The following AFF3 variants were observed in gnomAD, a reference collection of about 807,000 sequenced individuals.
AFF3 encodes the protein AF4/FMR2 family member 3.
Under a neutral mutation model 129.7 loss-of-function variants are expected in AFF3, and 32 were observed. The ratio of observed to expected loss-of-function variants is 0.25; its 90% confidence interval spans 0.19 to 0.33. AFF3 has a LOEUF of 0.33. AFF3 is among the 10% of genes least tolerant of loss of function. The probability of loss-of-function intolerance (pLI) is 1.00; values close to 1 mark genes in which losing one functional copy is unlikely to be tolerated. For missense variants in AFF3, 1,373 were observed against 1,592.0 expected, an observed-to-expected ratio of 0.86 and a Z score of 2.34; for synonymous variants, 644 against 635.4, an observed-to-expected ratio of 1.01 and a Z score of -0.20.
intron 7 of AFF3, among the ~76,000 whole-genome samples, chr2:99,977,298 G>A (rs961813882): frequency 4.6e-5 from 7 of 152,182 alleles, no homozygotes; most frequent in Non-Finnish European, 8.8e-5. Context: ...TCTATCAATC[G>A]CTCTCACTGC....
intron 7 of AFF3, among the ~76,000 whole-genome samples, chr2:99,936,268 G>C (rs1326157606): frequency 6.6e-6 from 1 of 152,198 alleles, no homozygotes; most frequent in Non-Finnish European, 1.5e-5. Context: ...CACAGGAGCT[G>C]TTACAGCCTG....
chr2:99,713,012 C>T (rs1455360741), intron 11 of AFF3, among the ~76,000 whole-genome samples: 1 of 152,160 alleles, frequency 6.6e-6, no homozygotes, highest in African/African-American at 2.4e-5. Context: ...TATGATTCCA[C>T]TTATATGAGG....
chr2:99,772,844 T>G (rs141872054), intron 8 of AFF3, among the ~76,000 whole-genome samples: 92 of 152,310 alleles, frequency 6.0e-4, no homozygotes, highest in African/African-American at 2.1e-3. Flanking sequence ...GACACCAGAT[T>G]AATCTTCCCC....
At chr2:99,595,209 C>T (rs1426327492) in intron 14 of AFF3, among the ~76,000 whole-genome samples, 3 of 152,166 alleles carry the variant, frequency 2.0e-5, no homozygotes, top group Non-Finnish European at 4.4e-5. Flanking sequence ...AATAATTTCA[C>T]AGGGAGTAAA....
At chr2:99,607,632 T>C (rs62154479) in intron 13 of AFF3, among the ~76,000 whole-genome samples, 13,360 of 152,092 alleles carry the variant, frequency 0.088, 697 homozygotes, top group East Asian at 0.12. Context: ...TGAATACATA[T>C]CCAAAATTGT....
rs1213254503 is a variant in AFF3, at chr2:100,006,749, C to T, written c.756G>A (p.Lys252=). Residue 252 remains lysine, a synonymous_variant, in exon 7 of 25, where the codon AAG becomes AAA. Transcript: ENST00000672756. ...DQAPDESPKL[K]SSSETSVHCT... The stretch of plus-strand genomic sequence containing the variant: ...AGTGCACGCTGGTTTCCGAAGACGA[C>T]TTCAGCTTAGGAGACTCATCAGGGG... 1 of 1,614,220 alleles carries T rather than the reference C, an allele frequency of 6.2e-7. No homozygotes were observed. The highest frequency in any genetic ancestry group is 8.5e-7 in the Non-Finnish European group (1 of 1,180,032).
At chr2:99,942,374 G>A (rs961081061) in intron 7 of AFF3, among the ~76,000 whole-genome samples, 5 of 152,006 alleles carry the variant, frequency 3.3e-5, no homozygotes, top group Non-Finnish European at 4.4e-5. Flanking sequence ...CAAGTTAGAG[G>A]GTGGACAAGA....
At chr2:99,801,977 A>G (rs961398047) in intron 8 of AFF3, among the ~76,000 whole-genome samples, 1 of 152,218 alleles carries the variant, frequency 6.6e-6, no homozygotes, top group African/African-American at 2.4e-5. Flanking sequence ...TTATGTATCA[A>G]TTATCATATA....
chr2:99,675,609 T>C (rs1687537122), intron 11 of AFF3, among the ~76,000 whole-genome samples: 1 of 152,234 alleles, frequency 6.6e-6, no homozygotes, highest in Non-Finnish European at 1.5e-5. Context: ...CCATGTTGAA[T>C]GCTGAACATA....
At chr2:99,837,145 A>T (rs1576145347) in intron 8 of AFF3, among the ~76,000 whole-genome samples, 1 of 152,224 alleles carries the variant, frequency 6.6e-6, no homozygotes, top group African/African-American at 2.4e-5. Context: ...AAAAATGTAC[A>T]GACTATTAAA....
intron 2 of AFF3, among the ~76,000 whole-genome samples, chr2:100,108,137 T>G (rs2105518543): frequency 6.6e-6 from 1 of 151,186 alleles, no homozygotes; most frequent in South Asian, 2.1e-4. Context: ...TGACTCCATC[T>G]GCTTCTCCTT....
intron 8 of AFF3, among the ~76,000 whole-genome samples, chr2:99,836,239 G>A (rs1473701664): frequency 6.6e-6 from 1 of 152,122 alleles, no homozygotes; most frequent in Admixed American, 6.5e-5. Flanking sequence ...ACCAGTTAAA[G>A]GAAGATGGCT....
chr2:99,813,113 G>A (rs368002769), intron 8 of AFF3, among the ~76,000 whole-genome samples: 43 of 152,212 alleles, frequency 2.8e-4, no homozygotes, highest in African/African-American at 8.4e-4. Flanking sequence ...TTCATGCTGT[G>A]TGATAACATG....
intron 18 of AFF3, among the ~76,000 whole-genome samples, chr2:99,571,849 C>T (rs2104702469): frequency 6.6e-6 from 1 of 152,264 alleles, no homozygotes; most frequent in South Asian, 2.1e-4. Context: ...CAAAGGCATC[C>T]CTTCTGACAG....
intron 8 of AFF3, among the ~76,000 whole-genome samples, chr2:99,831,792 G>C (rs1688534976): frequency 6.6e-6 from 1 of 152,180 alleles, no homozygotes; most frequent in Admixed American, 6.5e-5. Flanking sequence ...ACACATACGA[G>C]GCCAGTAAGG....
intron 7 of AFF3, among the ~76,000 whole-genome samples, chr2:99,937,478 A>C (rs1412301827): frequency 6.6e-6 from 1 of 152,118 alleles, no homozygotes; most frequent in East Asian, 1.9e-4. Context: ...AGCTCACTGC[A>C]ACCTACGCCT....
At chr2:99,829,774 T>G (rs928800779) in intron 8 of AFF3, among the ~76,000 whole-genome samples, 4 of 152,176 alleles carry the variant, frequency 2.6e-5, no homozygotes, top group Non-Finnish European at 5.9e-5. Flanking sequence ...GCAATCCCAT[T>G]ACAGGGTATA....
intron 7 of AFF3, among the ~76,000 whole-genome samples, chr2:99,908,820 A>C (rs1694908255): frequency 6.6e-6 from 1 of 152,184 alleles, no homozygotes; most frequent in Non-Finnish European, 1.5e-5. Flanking sequence ...AAAAGTCAGG[A>C]AACAACAGGT....
Position 99,801,495 on chromosome 2 carries a change from T to G in AFF3, c.921+35982A>C, listed in dbSNP as rs187978782. Among the ~76,000 whole-genome samples, 34 of 152,246 alleles carry G rather than the reference T, an allele frequency of 2.2e-4. No homozygotes were observed. The East Asian group carries it at 6.4e-3, about 29-fold the overall frequency. On this transcript the variant is annotated intron_variant, in intron 8 of 24. Transcript: ENST00000672756. ...GCACTACTGATTGGAAAGGCAGGGG[T>G]GGGCCCCTAAGCAAGGTAACCCGCA...
Sources: allele counts gnomAD v4.1 joint callset (sites outside exome capture counted in the v4.1 genomes callset), GRCh38; gene constraint gnomAD v4.1.1; transcripts MANE v1.5; gene names NCBI Gene and HGNC (gene_info 2026-07-23, HGNC 2026-07-21).